GRIA4: variants seen among roughly 807,000 people sequenced by gnomAD.
The protein encoded by GRIA4 is glutamate ionotropic receptor AMPA type subunit 4.
GRIA4 carries 34 observed loss-of-function variants against 104.0 expected under a neutral mutation model. The observed-to-expected ratio is 0.33, with a 90% CI of 0.25 to 0.44. GRIA4 has a LOEUF of 0.44. Ranked by LOEUF, GRIA4 falls within the 20% of genes least tolerant of loss-of-function variation. GRIA4 has a pLI of 1.00. For missense variants in GRIA4, 750 were observed against 1,096.5 expected (o/e 0.68, Z 4.46); for synonymous variants, 386 against 381.9 (o/e 1.01, Z -0.13).
intron 3 of GRIA4, among the ~76,000 whole-genome samples, chr11:105,623,588 T>C (rs1181869407): frequency 6.6e-6 from 1 of 152,020 alleles, no homozygotes. Context: ...GTACCTGCCA[T>C]TCCCTTTTAT....
chr11:105,931,891 C>T (rs1051898915), intron 13 of GRIA4, among the ~76,000 whole-genome samples: 1 of 152,088 alleles, frequency 6.6e-6, no homozygotes, highest in African/African-American at 2.4e-5. Flanking sequence ...AATAATTTGT[C>T]TTTGCCCAGG....
chr11:105,695,529 A>AG (rs1229718047), intron 3 of GRIA4, among the ~76,000 whole-genome samples: 2 of 150,236 alleles, frequency 1.3e-5, no homozygotes, highest in African/African-American at 4.9e-5. Flanking sequence ...CGCGTTTGGT[A>AG]GGGGGGTGGT....
chr11:105,922,760 T>A (rs1469269145), intron 11 of GRIA4, among the ~76,000 whole-genome samples: 1 of 152,072 alleles, frequency 6.6e-6, no homozygotes, highest in Non-Finnish European at 1.5e-5. Flanking sequence ...TCTCAGAGTA[T>A]ATAGAAAGAA....
At chr11:105,740,851 G>A (rs1327226076) in intron 3 of GRIA4, among the ~76,000 whole-genome samples, 3 of 152,126 alleles carry the variant, frequency 2.0e-5, no homozygotes, top group Admixed American at 6.6e-5. Flanking sequence ...GTTAGTAAGC[G>A]GTGCAGTGTT....
At chr11:105,767,094 A>G (rs1940979734) in intron 4 of GRIA4, among the ~76,000 whole-genome samples, 1 of 152,186 alleles carries the variant, frequency 6.6e-6, no homozygotes, top group Admixed American at 6.6e-5. Flanking sequence ...TACCTGGCCA[A>G]CAGGAGGTGT....
At chr11:105,743,188 G>A (rs1399579758) in intron 3 of GRIA4, among the ~76,000 whole-genome samples, 3 of 152,064 alleles carry the variant, frequency 2.0e-5, no homozygotes, top group Non-Finnish European at 4.4e-5. Context: ...TTCAAAAATA[G>A]AAGTACAGGC....
chr11:105,977,083 C>T (rs930956815), intron 16 of GRIA4, among the ~76,000 whole-genome samples: 2 of 151,972 alleles, frequency 1.3e-5, no homozygotes, highest in Non-Finnish European at 2.9e-5. Flanking sequence ...ATTTTTCTGG[C>T]AAAAGCCTTC....
At chr11:105,625,152 CAGAT>C (rs1298530368) in intron 3 of GRIA4, among the ~76,000 whole-genome samples, 2 of 151,912 alleles carry the variant, frequency 1.3e-5, no homozygotes, top group Admixed American at 6.6e-5. Flanking sequence ...CATATATAGA[CAGAT>C]AGATAGATAA....
At chr11:105,710,635 T>C (rs1953877688) in intron 3 of GRIA4, among the ~76,000 whole-genome samples, 1 of 152,160 alleles carries the variant, frequency 6.6e-6, no homozygotes, top group Non-Finnish European at 1.5e-5. Context: ...GAATGGGCCT[T>C]GGACAAGCTA....
intron 3 of GRIA4, among the ~76,000 whole-genome samples, chr11:105,637,246 T>G (rs368721122): frequency 6.6e-6 from 1 of 152,302 alleles, no homozygotes; most frequent in African/African-American, 2.4e-5. Context: ...TGTTAATACA[T>G]TTCATGATAT....
chr11:105,787,002 G>C (rs1013830332), intron 4 of GRIA4, among the ~76,000 whole-genome samples: 4 of 152,058 alleles, frequency 2.6e-5, no homozygotes, highest in Admixed American at 2.6e-4. Context: ...TCCTCAGAAA[G>C]AGCTGAAAAG....
intron 3 of GRIA4, among the ~76,000 whole-genome samples, chr11:105,750,292 C>T (rs1223673655): frequency 1.3e-5 from 2 of 151,954 alleles, no homozygotes; most frequent in African/African-American, 4.8e-5. Flanking sequence ...ACACACAAAA[C>T]CCAATAACCC....
At chr11:105,857,933 C>G (rs1284525192) in intron 4 of GRIA4, among the ~76,000 whole-genome samples, 4 of 152,120 alleles carry the variant, frequency 2.6e-5, no homozygotes, top group African/African-American at 9.7e-5. Flanking sequence ...TTGTGAGTAG[C>G]AACATCTCTG....
chr11:105,686,455 G>A (rs1952885257), intron 3 of GRIA4, among the ~76,000 whole-genome samples: 1 of 152,082 alleles, frequency 6.6e-6, no homozygotes, highest in Admixed American at 6.6e-5. Context: ...GTACCACATT[G>A]TCTTTATCTA....
At chr11:105,691,524 C>T (rs1953082655) in intron 3 of GRIA4, among the ~76,000 whole-genome samples, 1 of 152,220 alleles carries the variant, frequency 6.6e-6, no homozygotes, top group Non-Finnish European at 1.5e-5. Flanking sequence ...AACAACTATG[C>T]CTCAGTTTCC....
intron 14 of GRIA4, among the ~76,000 whole-genome samples, chr11:105,947,134 G>A (rs1948335592): frequency 6.6e-6 from 1 of 152,104 alleles, no homozygotes; most frequent in Admixed American, 6.5e-5. Flanking sequence ...ATCTATTTAT[G>A]TAGATAAATA....
At chr11:105,692,681 T>C (rs1040489344) in intron 3 of GRIA4, among the ~76,000 whole-genome samples, 1 of 152,220 alleles carries the variant, frequency 6.6e-6, no homozygotes, top group African/African-American at 2.4e-5. Context: ...GATATGGAAT[T>C]GTGAAAGAAA....
chr11:105,825,965 A>T (rs1490269969), intron 4 of GRIA4, among the ~76,000 whole-genome samples: 1 of 152,034 alleles, frequency 6.6e-6, no homozygotes, highest in African/African-American at 2.4e-5. Flanking sequence ...ATTCCATCCA[A>T]ACCCCATAGT....
intron 3 of GRIA4, among the ~76,000 whole-genome samples, chr11:105,671,354 G>C (rs554567192): frequency 6.6e-6 from 1 of 151,918 alleles, no homozygotes; most frequent in African/African-American, 2.4e-5. Context: ...TTTTGACTTT[G>C]ATAATAGATC....
Sources: allele counts gnomAD v4.1 joint callset (sites outside exome capture counted in the v4.1 genomes callset), GRCh38; gene constraint gnomAD v4.1.1; transcripts MANE v1.5; gene names NCBI Gene and HGNC (gene_info 2026-07-23, HGNC 2026-07-21).